Variants in INPP4B observed in about 807,000 individuals in gnomAD.
The protein encoded by INPP4B is inositol polyphosphate 4-phosphatase type II.
In INPP4B, 55 loss-of-function variants were observed where a neutral mutation model predicts 122.5. That is an observed-to-expected ratio of 0.45 (90% CI 0.36 to 0.56). INPP4B has a LOEUF of 0.56. Ranked by LOEUF, INPP4B falls within the 20% of genes least tolerant of loss-of-function variation. The pLI is 0.00. For synonymous variants in INPP4B, 403 were observed against 388.7 expected (o/e 1.04, Z -0.43); for missense variants, 1,000 against 1,097.7 (o/e 0.91, Z 1.26).
chr4:142,116,096 C>CA (rs1793188502), intron 21 of INPP4B, among the ~76,000 whole-genome samples: 3 of 152,272 alleles, frequency 2.0e-5, no homozygotes, highest in African/African-American at 7.2e-5. Context: ...GGGATCAATT[C>CA]AACACGAAGA....
chr4:142,363,054 T>G (rs1786058816), intron 7 of INPP4B, among the ~76,000 whole-genome samples: 1 of 152,056 alleles, frequency 6.6e-6, no homozygotes, highest in Admixed American at 6.6e-5. Context: ...ATGCAGTCTG[T>G]GATCTCCCTG....
At chr4:142,630,844 G>A (rs932354130) in intron 2 of INPP4B, among the ~76,000 whole-genome samples, 2 of 152,030 alleles carry the variant, frequency 1.3e-5, no homozygotes, top group East Asian at 1.9e-4. Context: ...ACATGAAAAG[G>A]CTTAATCTTA....
At chr4:142,279,064 A>C (rs1332302914) in intron 9 of INPP4B, among the ~76,000 whole-genome samples, 1 of 152,002 alleles carries the variant, frequency 6.6e-6, no homozygotes, top group Non-Finnish European at 1.5e-5. Context: ...GATCCAAAAT[A>C]AATAAAATGT....
intron 2 of INPP4B, among the ~76,000 whole-genome samples, chr4:142,554,094 C>G (rs1728568033): frequency 6.7e-6 from 1 of 148,868 alleles, no homozygotes; most frequent in Non-Finnish European, 1.5e-5. Context: ...GAGGGTGAGG[C>G]AGGAGAATTG....
At chr4:142,193,601 A>G (rs1836917529) in intron 14 of INPP4B, among the ~76,000 whole-genome samples, 3 of 152,148 alleles carry the variant, frequency 2.0e-5, no homozygotes, top group South Asian at 2.1e-4. Flanking sequence ...CAAATTTTAC[A>G]TAGAAAAAAA....
intron 2 of INPP4B, among the ~76,000 whole-genome samples, chr4:142,620,251 C>T (rs1744602232): frequency 6.6e-6 from 1 of 151,902 alleles, no homozygotes; most frequent in Non-Finnish European, 1.5e-5. Flanking sequence ...ATGGAATCAA[C>T]CTAAATGCCC....
chr4:142,448,292 T>TAA (rs1001443886), intron 3 of INPP4B, among the ~76,000 whole-genome samples: 2 of 99,170 alleles, frequency 2.0e-5, no homozygotes, highest in Non-Finnish European at 3.7e-5. Flanking sequence ...TGCTTAGATA[T>TAA]AAAGTGCCGA....
At chr4:142,228,224 A>T (rs1852485102) in intron 12 of INPP4B, among the ~76,000 whole-genome samples, 1 of 152,048 alleles carries the variant, frequency 6.6e-6, no homozygotes, top group Non-Finnish European at 1.5e-5. Flanking sequence ...AAAAAGATTA[A>T]AGATAATACA....
intron 1 of INPP4B, among the ~76,000 whole-genome samples, chr4:142,761,453 G>T (rs1771331937): frequency 6.6e-6 from 1 of 151,934 alleles, no homozygotes; most frequent in South Asian, 2.1e-4. Context: ...ATCAGTATGT[G>T]GCCAAGATTG....
intron 7 of INPP4B, among the ~76,000 whole-genome samples, chr4:142,329,469 G>C (rs1773670474): frequency 6.6e-6 from 1 of 152,196 alleles, no homozygotes. Context: ...AACTCTAGCT[G>C]GGTTTTAAGC....
At chr4:142,077,112 C>T (rs1169801892) in intron 25 of INPP4B, among the ~76,000 whole-genome samples, 1 of 151,966 alleles carries the variant, frequency 6.6e-6, no homozygotes, top group East Asian at 1.9e-4. Context: ...GAGAATATGA[C>T]ATTTGATAAA....
At chr4:142,506,227 G>C (rs79471955) in intron 2 of INPP4B, among the ~76,000 whole-genome samples, 4 of 151,858 alleles carry the variant, frequency 2.6e-5, no homozygotes, top group African/African-American at 4.8e-5. Flanking sequence ...ATTGCCATAA[G>C]AGTCTTGGCA....
chr4:142,728,491 T>C (rs1046093523), intron 1 of INPP4B, among the ~76,000 whole-genome samples: 16 of 152,138 alleles, frequency 1.1e-4, no homozygotes, highest in Non-Finnish European at 2.2e-4. Context: ...GCAATTAAGA[T>C]GTAAATTAAG....
intron 7 of INPP4B, among the ~76,000 whole-genome samples, chr4:142,329,635 G>C (rs143166714): frequency 1.3e-5 from 2 of 152,262 alleles, no homozygotes; most frequent in African/African-American, 2.4e-5. Context: ...CCTAGAGTCA[G>C]GGTCAAGCTA....
intron 25 of INPP4B, among the ~76,000 whole-genome samples, chr4:142,038,647 A>G (rs1745436130): frequency 6.6e-6 from 1 of 152,184 alleles, no homozygotes; most frequent in African/African-American, 2.4e-5. Flanking sequence ...GAAACCTGGC[A>G]GATCAGGAAA....
At chr4:142,256,095 T>C (rs1462202012) in intron 11 of INPP4B, among the ~76,000 whole-genome samples, 2 of 149,468 alleles carry the variant, frequency 1.3e-5, no homozygotes, top group Non-Finnish European at 3.0e-5. Flanking sequence ...AACCTGCTCC[T>C]GAATGACTAC....
intron 1 of INPP4B, among the ~76,000 whole-genome samples, chr4:142,760,793 C>T (rs1233423732): frequency 1.3e-5 from 2 of 152,168 alleles, no homozygotes; most frequent in Middle Eastern, 3.2e-3. Flanking sequence ...GGTGCTACCA[C>T]ATCCAGGAAC....
intron 2 of INPP4B, among the ~76,000 whole-genome samples, chr4:142,607,145 T>C (rs1273394671): frequency 2.6e-5 from 4 of 151,982 alleles, no homozygotes; most frequent in Admixed American, 2.6e-4. Context: ...AAATATATCC[T>C]CATATCTTTC....
At chr4:142,331,201 C>A (rs895886978) in intron 7 of INPP4B, among the ~76,000 whole-genome samples, 3 of 152,116 alleles carry the variant, frequency 2.0e-5, no homozygotes, top group Non-Finnish European at 4.4e-5. Context: ...GAGGAAGCTA[C>A]CATTCATAGT....
Sources: allele counts gnomAD v4.1 joint callset (sites outside exome capture counted in the v4.1 genomes callset), GRCh38; gene constraint gnomAD v4.1.1; transcripts MANE v1.5; gene names NCBI Gene and HGNC (gene_info 2026-07-23, HGNC 2026-07-21).